The following USP25 variants were observed in gnomAD, a reference collection of about 807,000 sequenced individuals.
USP25 encodes the protein ubiquitin specific peptidase 25.
USP25 carries 85 observed loss-of-function variants against 158.5 expected under a neutral mutation model. The ratio of observed to expected loss-of-function variants is 0.54; its 90% confidence interval spans 0.45 to 0.64. The LOEUF (loss-of-function observed/expected upper bound fraction) is 0.64, where lower values mean the gene tolerates loss of function less well. Ranked by LOEUF, USP25 falls within the 30% of genes least tolerant of loss-of-function variation. USP25 has a pLI of 0.00. For missense variants in USP25, 1,242 were observed against 1,327.3 expected, an observed-to-expected ratio of 0.94 and a Z score of 1.00; for synonymous variants, 464 against 460.4, an observed-to-expected ratio of 1.01 and a Z score of -0.10.
chr21:15,830,479 T>G (rs143285886), intron 14 of USP25, 52 bp from the exon 15 acceptor site: 6 of 1,492,084 alleles, frequency 4.0e-6, no homozygotes, highest in South Asian at 2.5e-5. Flanking sequence ...CCTTATCTTA[T>G]AAGTAGAAAC....
chr21:15,742,432 G>T (rs548656031), intron 1 of USP25, among the ~76,000 whole-genome samples: 1 of 152,310 alleles, frequency 6.6e-6, no homozygotes, highest in African/African-American at 2.4e-5. Flanking sequence ...AAAGTTTTGT[G>T]TCTTAATTCA....
chr21:15,773,825 A>G (rs1427687129), intron 3 of USP25, among the ~76,000 whole-genome samples: 3 of 152,200 alleles, frequency 2.0e-5, no homozygotes, highest in Admixed American at 6.5e-5. Flanking sequence ...TGAATAACAT[A>G]TTTTATGAAA....
At chr21:15,742,478 A>G (rs1202000569) in intron 1 of USP25, among the ~76,000 whole-genome samples, 1 of 149,338 alleles carries the variant, frequency 6.7e-6, no homozygotes, top group Non-Finnish European at 1.5e-5. Flanking sequence ...GTCTCAGTTA[A>G]GGTGGAGCTA....
At chr21:15,794,654 C>T (rs2035768503) in intron 5 of USP25, among the ~76,000 whole-genome samples, 1 of 151,484 alleles carries the variant, frequency 6.6e-6, no homozygotes, top group Non-Finnish European at 1.5e-5. Context: ...CCCTTTTACT[C>T]CTATTGTAGA....
chr21:15,831,678 C>A, intron 16 of USP25, 49 bp downstream of exon 16: 1 of 1,494,134 alleles, frequency 6.7e-7, no homozygotes, highest in Non-Finnish European at 9.3e-7. Flanking sequence ...ATAAAAGTGG[C>A]TCTGGTATGT....
chr21:15,733,759 T>G (rs1394223162), intron 1 of USP25, among the ~76,000 whole-genome samples: 1 of 152,074 alleles, frequency 6.6e-6, no homozygotes, highest in Non-Finnish European at 1.5e-5. Flanking sequence ...GGAGAATCGC[T>G]TGAACTCGGG....
rs900315743 is a variant in USP25 at position 15,880,016 on chromosome 21, C to T, written c.*1541C>T. The T allele has an allele frequency of 2.0e-5, 3 of 152,188 alleles. No individual in the cohort carries two copies. Among genetic ancestry groups the T allele is most frequent in the African/African-American group, 7.2e-5 (3 of 41,454 alleles). 9.4% of individuals were successfully genotyped at this position (152,188 alleles called of 1,614,324 possible). A position where few individuals can be genotyped will look rare whatever the true frequency, so the allele number is the denominator to read the frequency against. On this transcript the variant is annotated 3_prime_UTR_variant, in exon 26 of 26. Coordinates refer to ENST00000400183, the MANE Select transcript of USP25 (RefSeq NM_001283041.3). The stretch of plus-strand genomic sequence containing the variant: ...TTTAGAAACTTCATATGTGTCATCA[C>T]AGCTTTTGTAAAGAAAGTATCCTTA...
At chr21:15,734,397 G>A (rs2031279176) in intron 1 of USP25, among the ~76,000 whole-genome samples, 2 of 152,258 alleles carry the variant, frequency 1.3e-5, no homozygotes, top group South Asian at 2.1e-4. Flanking sequence ...CTTAAAGGAG[G>A]CATTCTTTAT....
rs548290796 is a variant in USP25, at chr21:15,748,158, C to T, written c.46-14733C>T. Among the ~76,000 whole-genome samples, 27 of 152,302 alleles carry T rather than the reference C, an allele frequency of 1.8e-4. No individual in the cohort carries two copies. The East Asian group carries it at 2.9e-3, about 16-fold the overall frequency. On this transcript the variant is annotated intron_variant, in intron 1 of 25. Coordinates refer to ENST00000400183, the MANE Select transcript of USP25 (RefSeq NM_001283041.3). ...GAATTTTTCCCCTCTGGAGAACCAG[C>T]GACTTTATTGAACAGTTCCTCCTTC...
At chr21:15,762,713 C>A (rs543827941) in intron 1 of USP25, among the ~76,000 whole-genome samples, 178 bp from the exon 2 acceptor site, 1 of 152,144 alleles carries the variant, frequency 6.6e-6, no homozygotes, top group Non-Finnish European at 1.5e-5. Flanking sequence ...CAGCATGATT[C>A]ATTCTTTCTA....
At chr21:15,793,252 A>G (rs376842945) in intron 5 of USP25, among the ~76,000 whole-genome samples, 1 of 151,722 alleles carries the variant, frequency 6.6e-6, no homozygotes, top group East Asian at 1.9e-4. Flanking sequence ...TATTGTTAGA[A>G]TAGTTGCTTT....
intron 1 of USP25, among the ~76,000 whole-genome samples, chr21:15,756,099 A>T (rs1005261426): frequency 3.3e-5 from 5 of 152,144 alleles, no homozygotes; most frequent in African/African-American, 9.7e-5. Flanking sequence ...TAGTCAAAAG[A>T]ATAGGTGAAA....
Position 15,805,104 on chromosome 21 carries a change from T to C in USP25, c.643-17T>C, listed in dbSNP as rs1034933788. 60 of 1,561,440 alleles carry C rather than the reference T, an allele frequency of 3.8e-5. No homozygotes were observed. Among genetic ancestry groups the C allele is most frequent in the Non-Finnish European group, 5.2e-5 (60 of 1,161,928 alleles). ...TTCAGTTAAGGTGTTTTTGTTTTTGTTTTTTTCCTTCAATAGGAACATCGG... is the reference window on the plus strand; with the variant it reads ...TTCAGTTAAGGTGTTTTTGTTTTTGCTTTTTTCCTTCAATAGGAACATCGG... On this transcript the variant is annotated splice_polypyrimidine_tract_variant and intron_variant, in intron 6 of 25. Coordinates refer to ENST00000400183, the MANE Select transcript of USP25 (RefSeq NM_001283041.3).
chr21:15,869,187 G>A (rs1203849262), intron 22 of USP25, among the ~76,000 whole-genome samples: 6 of 151,440 alleles, frequency 4.0e-5, no homozygotes, highest in African/African-American at 1.2e-4. Context: ...GGTCAAGTCT[G>A]CAGTTAGCCG....
chr21:15,768,407 C>G (rs370117561), intron 3 of USP25, among the ~76,000 whole-genome samples: 9 of 151,910 alleles, frequency 5.9e-5, no homozygotes, highest in African/African-American at 1.9e-4. Context: ...ACATTCCTGC[C>G]AGTAGTGTCA....
At position 15,762,886 on chromosome 21, in the gene USP25, TCTAGCACCAG is replaced by T; in HGVS notation, c.46-3_52del. 6.2e-7 allele frequency: 1 copy of T among 1,612,064 alleles called. No homozygotes were observed. ...ATAATGATTTTGGGTTTTTCCTCCC[TCTAGCACCAG>T]CAGACGTTTTTGAATCAACTGAGAG... On this transcript the variant is annotated splice_acceptor_variant and splice_polypyrimidine_tract_variant and coding_sequence_variant and intron_variant, in exon 2 of 26. Transcript: ENST00000400183. LOFTEE classifies it high-confidence loss of function.
intron 5 of USP25, among the ~76,000 whole-genome samples, chr21:15,792,360 G>A (rs992894709): frequency 6.6e-6 from 1 of 151,484 alleles, no homozygotes; most frequent in Non-Finnish European, 1.5e-5. Flanking sequence ...CATTGATAAT[G>A]TTATCCATCA....
intron 19 of USP25, among the ~76,000 whole-genome samples, chr21:15,849,331 AG>A (rs2146481419): frequency 6.6e-6 from 1 of 152,274 alleles, no homozygotes; most frequent in African/African-American, 2.4e-5. Flanking sequence ...GCTGCTGTTC[AG>A]GGATGTGCAG....
In USP25 at chr21:15,826,894, T is replaced by C; in HGVS notation, c.1467-83T>C. On this transcript the variant is annotated intron_variant, in intron 13 of 25. Coordinates refer to ENST00000400183, the MANE Select transcript of USP25 (RefSeq NM_001283041.3). The surrounding 1 kb of genome is among the most constrained non-coding windows in gnomAD (Gnocchi z 4.8). ...TTTTTTCTTTTGAATTACAAGCCAA[T>C]TTAATACTGTGGGTTTGGCACGATC... 7.1e-7 allele frequency: 1 copy of C among 1,411,124 alleles called. No homozygotes were observed. The highest frequency in any genetic ancestry group is 9.8e-7 in the Non-Finnish European group (1 of 1,019,846). 87.4% of individuals were successfully genotyped at this position (1,411,124 alleles called of 1,614,324 possible). A position where few individuals can be genotyped will look rare whatever the true frequency, so the allele number is the denominator to read the frequency against.
Sources: allele counts gnomAD v4.1 joint callset (sites outside exome capture counted in the v4.1 genomes callset), GRCh38; gene constraint gnomAD v4.1.1; non-coding constraint Gnocchi (gnomAD v3.1); transcripts MANE v1.5; gene names NCBI Gene and HGNC (gene_info 2026-07-23, HGNC 2026-07-21).